The following STEAP4 variants were observed in gnomAD, a reference collection of about 807,000 sequenced individuals.
STEAP4 encodes the protein metalloreductase STEAP4.
In STEAP4, 36 loss-of-function variants were observed where a neutral mutation model predicts 43.6. The ratio of observed to expected loss-of-function variants is 0.83; its 90% CI spans 0.63 to 1.09. The LOEUF (loss-of-function observed/expected upper bound fraction) is 1.09, where lower values mean the gene tolerates loss of function less well. Among genes scored for constraint, STEAP4 ranks in the 50% least tolerant of loss-of-function variants. The pLI is 0.00. For synonymous variants in STEAP4, 191 were observed against 196.7 expected (o/e 0.97, Z 0.24); for missense variants, 495 against 546.5 (o/e 0.91, Z 0.94).
At chr7:88,290,602 A>G (rs552168813) in intron 1 of STEAP4, among the ~76,000 whole-genome samples, 1 of 152,252 alleles carries the variant, frequency 6.6e-6, no homozygotes, top group South Asian at 2.1e-4. Flanking sequence ...TCTTTCAAAA[A>G]AATTTCTAAG....
chr7:88,284,552 CA>C (rs961496833), intron 1 of STEAP4, among the ~76,000 whole-genome samples: 1 of 151,856 alleles, frequency 6.6e-6, no homozygotes, highest in Non-Finnish European at 1.5e-5. Context: ...CAAAATCTGA[CA>C]AAAAATATGC....
intron 1 of STEAP4, among the ~76,000 whole-genome samples, chr7:88,302,030 A>G (rs532318052): frequency 3.3e-4 from 51 of 152,248 alleles, no homozygotes; most frequent in Non-Finnish European, 6.6e-4. Context: ...AATAATTTCA[A>G]CTATTCACTT....
chr7:88,284,408 G>T, intron 1 of STEAP4, 137 bp from the exon 2 acceptor site: 1 of 680,292 alleles, frequency 1.5e-6, no homozygotes, highest in South Asian at 2.8e-5. Context: ...CCCCAAATTT[G>T]GAAGGAGTAA....
In STEAP4 at chr7:88,283,096, G is replaced by A; in HGVS notation, c.529C>T (p.Pro177Ser). The part of the protein sequence containing the change: ...MDIVRNLGLT[P>S]MDQGSLMAAK... ...GCCATGAGTGATCCTTGATCCATTG[G>A]AGTAAGTCCAAGATTACGAACAATA... Residue 177 changes from proline to serine, a missense_variant, in exon 3 of 5, where the codon CCA (proline) becomes TCA (serine). By Grantham distance (74) the Pro-to-Ser change is moderately conservative (BLOSUM62 -1). Coordinates refer to ENST00000380079, the MANE Select transcript of STEAP4 (RefSeq NM_024636.4). 6 of 1,607,938 alleles carry A rather than the reference G, an allele frequency of 3.7e-6. No individual in the cohort carries two copies. Among genetic ancestry groups the A allele is most frequent in the Non-Finnish European group, 5.1e-6 (6 of 1,177,706 alleles).
chr7:88,278,780 G>A lies in STEAP4; in HGVS notation c.*618C>T, dbSNP rs1183824970. The A allele has an allele frequency of 5.2e-5, 8 of 153,594 alleles. No homozygotes were observed. Among genetic ancestry groups the A allele is most frequent in the Admixed American group, 5.1e-4 (8 of 15,618 alleles). 9.5% of individuals were successfully genotyped at this position (153,594 alleles called of 1,614,324 possible). ...AAGACATGGATACTTTTAATCAATT[G>A]TAAATTTTTCTTGTGTTATAAAAAT... On this transcript the variant is annotated 3_prime_UTR_variant, in exon 5 of 5. Transcript: ENST00000380079.
intron 1 of STEAP4, among the ~76,000 whole-genome samples, chr7:88,306,158 C>T (rs1309798654): frequency 1.3e-5 from 2 of 152,208 alleles, no homozygotes; most frequent in Non-Finnish European, 2.9e-5. Flanking sequence ...CTTGAGCCAC[C>T]GTACCCAGCC....
Position 88,279,505 on chromosome 7 carries a change from T to A in STEAP4, c.1273A>T (p.Ile425Phe). The change falls in exon 5 of 5, where the codon ATC (isoleucine) becomes TTC (phenylalanine). Residue 425 changes from isoleucine to phenylalanine, a missense_variant. Physicochemically the swap from Ile to Phe is conservative, Grantham distance 21. Transcript: ENST00000380079. ...YLPAAYVLGL[I>F]IPCTVLVIKF... ...ATCACCAGCACAGTGCAAGGAATGA[T>A]AAGCCCTAACACGTAGGCTGCAGGA... 1 of 1,614,152 alleles carries A rather than the reference T, an allele frequency of 6.2e-7. No homozygotes were observed. The highest frequency in any genetic ancestry group is 8.5e-7 in the Non-Finnish European group (1 of 1,180,024).
intron 1 of STEAP4, among the ~76,000 whole-genome samples, chr7:88,297,553 A>T (rs919321532): frequency 3.3e-5 from 5 of 152,162 alleles, no homozygotes; most frequent in African/African-American, 9.7e-5. Context: ...TTTTAGTGTA[A>T]GTATATCCCC....
At position 88,275,251 on chromosome 7, in the gene STEAP4, T is replaced by C. The variant is rs1443847228; in HGVS notation, c.*4147A>G. On this transcript the variant is annotated 3_prime_UTR_variant, in exon 5 of 5. Transcript: ENST00000380079. ...GGATTACAGGCATGCGCCACCATGC[T>C]GGCTAATTTTTTATATTTTTAGTAG... is the stretch of plus-strand genomic sequence containing the variant. 1 of 152,210 alleles carries C rather than the reference T, an allele frequency of 6.6e-6. No homozygotes were observed. The highest frequency in any genetic ancestry group is 1.9e-4 in the East Asian group (1 of 5,182). The allele number at this position is 152,210 out of a possible 1,614,324, so 9.4% of individuals were successfully genotyped here.
chr7:88,281,543 G>A (rs886435068), intron 3 of STEAP4: 1 of 152,308 alleles, frequency 6.6e-6, no homozygotes, highest in Non-Finnish European at 1.5e-5. Context: ...CACAAGTTGA[G>A]AGGAATCAGA....
intron 1 of STEAP4, among the ~76,000 whole-genome samples, chr7:88,305,643 G>A (rs1230357703): frequency 5.3e-5 from 8 of 152,152 alleles, no homozygotes; most frequent in African/African-American, 1.7e-4. Flanking sequence ...CTCTTCCCCC[G>A]ACAACTGGAG....
In STEAP4 at chr7:88,283,857, G is replaced by A; in HGVS notation, c.413C>T (p.Ser138Leu). ...AHVVKAFNTI[S>L]AWALQSGALD... ...TGCTCCTGACTGGAGAGCCCAGGCT[G>A]AGATGGTGTTAAATGCTTTTACCAC... Residue 138 changes from serine (S) to leucine (L), a missense_variant, in exon 2 of 5, where the codon TCA (serine) becomes TTA (leucine). Ser to Leu is a moderately radical substitution (Grantham distance 145, BLOSUM62 -2). Coordinates refer to ENST00000380079, the MANE Select transcript of STEAP4 (RefSeq NM_024636.4). 6.2e-7 allele frequency: 1 copy of A among 1,614,154 alleles called. No individual in the cohort carries two copies.
Position 88,301,482 on chromosome 7 carries a change from G to A in STEAP4, c.-3+5310C>T, listed in dbSNP as rs557796737. Among the ~76,000 whole-genome samples, 244 of 152,124 alleles carry A rather than the reference G, an allele frequency of 1.6e-3. 2 individuals carry two copies. Among genetic ancestry groups the A allele is most frequent in the African/African-American group, 5.4e-3 (226 of 41,496 alleles). On this transcript the variant is annotated intron_variant, in intron 1 of 4. Coordinates refer to ENST00000380079, the MANE Select transcript of STEAP4 (RefSeq NM_024636.4). The stretch of plus-strand genomic sequence containing the variant: ...TTTGTAGAGATGGGGTCTTACCATC[G>A]CCCAGGCTAGTCTTGAACTCCTGGT...
intron 1 of STEAP4, among the ~76,000 whole-genome samples, chr7:88,293,884 T>C (rs977294316): frequency 6.6e-6 from 1 of 151,894 alleles, no homozygotes; most frequent in Non-Finnish European, 1.5e-5. Context: ...CTTCCCACTA[T>C]GTTTTTTTTT....
rs939577727 is a variant in STEAP4 at position 88,276,153 on chromosome 7, C to A, written c.*3245G>T. On this transcript the variant is annotated 3_prime_UTR_variant, in exon 5 of 5. Coordinates refer to ENST00000380079, the MANE Select transcript of STEAP4 (RefSeq NM_024636.4). ...CCAGCGTGGGATAGTGCAGTCCTCCCCATTTAGCCATCTGATGCTCTCCCC... is the reference window on the plus strand; with the variant it reads ...CCAGCGTGGGATAGTGCAGTCCTCCACATTTAGCCATCTGATGCTCTCCCC... 6.6e-6 allele frequency: 1 copy of A among 152,220 alleles called. No individual in the cohort carries two copies. Among genetic ancestry groups the A allele is most frequent in the South Asian group, 2.1e-4 (1 of 4,824 alleles). The allele number at this position is 152,220 out of a possible 1,614,324, so 9.4% of individuals were successfully genotyped here.
At chr7:88,284,462 A>G (rs1187779314) in intron 1 of STEAP4, among the ~76,000 whole-genome samples, 191 bp from the exon 2 acceptor site, 1 of 152,190 alleles carries the variant, frequency 6.6e-6, no homozygotes, top group East Asian at 1.9e-4. Flanking sequence ...AGGAGTAAAA[A>G]TTGTCATATA....
In STEAP4 at chr7:88,270,922, T is replaced by G. The variant is rs1310028024; in HGVS notation, c.*8476A>C. On this transcript the variant is annotated 3_prime_UTR_variant, in exon 5 of 5. Coordinates refer to ENST00000380079, the MANE Select transcript of STEAP4 (RefSeq NM_024636.4). The stretch of plus-strand genomic sequence containing the variant: ...TGTTTATAATTTTTTAATTAAAAAT[T>G]TTTAATTGACACACGATAATTATAC... The G allele has an allele frequency of 2.0e-5, 3 of 152,254 alleles. No homozygotes were observed. Among genetic ancestry groups the G allele is most frequent in the Non-Finnish European group, 4.4e-5 (3 of 68,004 alleles). 9.4% of individuals were successfully genotyped at this position (152,254 alleles called of 1,614,324 possible).
chr7:88,286,926 T>C (rs1852746778), intron 1 of STEAP4, among the ~76,000 whole-genome samples: 1 of 152,032 alleles, frequency 6.6e-6, no homozygotes, highest in African/African-American at 2.4e-5. Context: ...CAACCCCTAA[T>C]GGGGCTACAG....
intron 2 of STEAP4, 113 bp from the exon 3 acceptor site, chr7:88,283,281 A>T: frequency 9.0e-7 from 1 of 1,105,206 alleles, no homozygotes; most frequent in Non-Finnish European, 1.2e-6. Context: ...CAGTGAACCG[A>T]TTTTAAAATA....
Sources: allele counts gnomAD v4.1 joint callset (sites outside exome capture counted in the v4.1 genomes callset), GRCh38; gene constraint gnomAD v4.1.1; transcripts MANE v1.5; gene names NCBI Gene and HGNC (gene_info 2026-07-23, HGNC 2026-07-21).